Variants in MSR1 observed in about 807,000 individuals in gnomAD.
MSR1 encodes the protein macrophage scavenger receptor types I and II.
MSR1 carries 53 observed loss-of-function variants against 47.2 expected under a neutral mutation model. The observed-to-expected ratio is 1.12, with a 90% CI of 0.90 to 1.41. The LOEUF (loss-of-function observed/expected upper bound fraction) is 1.41. Ranked by LOEUF, MSR1 falls within the 40% of genes most tolerant of loss-of-function variation. The pLI, the probability that MSR1 is intolerant of heterozygous loss-of-function variation, is 0.00. For missense variants in MSR1, 786 were observed against 546.9 expected, an observed-to-expected ratio of 1.44 and a Z score of -4.36; for synonymous variants, 239 against 185.6, an observed-to-expected ratio of 1.29 and a Z score of -2.34.
chr8:16,184,878 G>C (rs1226702625), intron 1 of MSR1, among the ~76,000 whole-genome samples: 1 of 151,764 alleles, frequency 6.6e-6, no homozygotes, highest in African/African-American at 2.4e-5. Context: ...GGTTACCTTG[G>C]GAAGATTTAT....
intron 8 of MSR1, among the ~76,000 whole-genome samples, chr8:16,133,550 G>C (rs949119184): frequency 6.6e-6 from 1 of 152,098 alleles, no homozygotes; most frequent in African/African-American, 2.4e-5. Flanking sequence ...CTCATAGTAA[G>C]CCTAGGTTAC....
chr8:16,178,349 G>T lies in MSR1; in HGVS notation c.-4-357C>A, dbSNP rs1394969438. On this transcript the variant is annotated intron_variant, in intron 1 of 9. Transcript: ENST00000262101. ...AATTTCCACCTATGAGTGAGAACAT[G>T]CGGTGTTTGGGTTTTTGTCCTTGCG... Among the ~76,000 whole-genome samples the T allele has an allele frequency of 2.7e-5, 4 of 148,770 alleles. No individual in the cohort carries two copies. The East Asian group carries it at 8.0e-4, about 30-fold the overall frequency.
In MSR1 at chr8:16,131,897, T is replaced by C. The variant is rs1391669861; in HGVS notation, c.1034-11291A>G. Among the ~76,000 whole-genome samples, 3 of 152,120 alleles carry C rather than the reference T, an allele frequency of 2.0e-5. 1 individual carries two copies. Among genetic ancestry groups the C allele is most frequent in the Non-Finnish European group, 4.4e-5 (3 of 68,002 alleles). Reference sequence around the variant, plus strand: ...TTTGTTCTGTACCCCTGTAGTATAGTTTGAAGTCAGGTACCATGATATCTC... The same window carrying C: ...TTTGTTCTGTACCCCTGTAGTATAGCTTGAAGTCAGGTACCATGATATCTC... On this transcript the variant is annotated intron_variant, in intron 8 of 9. Transcript: ENST00000262101.
intron 7 of MSR1, among the ~76,000 whole-genome samples, chr8:16,145,552 T>C (rs1022726471): frequency 1.3e-5 from 2 of 152,154 alleles, no homozygotes; most frequent in Non-Finnish European, 2.9e-5. Context: ...AGAATAGACA[T>C]GCTTAAGCCA....
chr8:16,111,766 C>T (rs939829662), intron 9 of MSR1, among the ~76,000 whole-genome samples: 1 of 151,894 alleles, frequency 6.6e-6, no homozygotes, highest in African/African-American at 2.4e-5. Context: ...TCCATGCAAT[C>T]CTCAAATAAC....
At position 16,186,256 on chromosome 8, in the gene MSR1, C is replaced by T. The variant is rs549185897; in HGVS notation, c.-5+6342G>A. 7.8e-5 allele frequency: 115 copies of T among 1,475,744 alleles called. No individual in the cohort carries two copies. In the Middle Eastern group the frequency reaches 1.2e-3, roughly 15 times the overall value. 91.4% of individuals were successfully genotyped at this position (1,475,744 alleles called of 1,614,324 possible). A position where few individuals can be genotyped will look rare whatever the true frequency, so the allele number is the denominator to read the frequency against. On this transcript the variant is annotated intron_variant, in intron 1 of 9. Transcript: ENST00000262101. ...TGGGTATTCCTCCTCATCTCCCCAA[C>T]GTCTCAACAGCAGAGTGAGCCAGGG... is the stretch of plus-strand genomic sequence containing the variant.
chr8:16,186,247 T>C (rs1052671678), intron 1 of MSR1: 27 of 1,508,532 alleles, frequency 1.8e-5, no homozygotes, highest in Admixed American at 3.9e-5. Context: ...TTCCTCCTCA[T>C]CTCCCCAACG....
At chr8:16,167,534 G>A (rs1563162333) in intron 4 of MSR1, among the ~76,000 whole-genome samples, 1 of 152,044 alleles carries the variant, frequency 6.6e-6, no homozygotes, top group African/African-American at 2.4e-5. Flanking sequence ...AACAGAGTGA[G>A]ACTCCATCTC....
chr8:16,173,237 G>C (rs191447697), intron 3 of MSR1, among the ~76,000 whole-genome samples: 4 of 152,174 alleles, frequency 2.6e-5, no homozygotes, highest in African/African-American at 9.6e-5. Flanking sequence ...TAATAGCTCG[G>C]GGACTTTGAA....
chr8:16,151,816 C>CA (rs1380786747), intron 6 of MSR1, among the ~76,000 whole-genome samples: 1 of 152,120 alleles, frequency 6.6e-6, no homozygotes, highest in Non-Finnish European at 1.5e-5. Context: ...CTCCTTCCTG[C>CA]AAAGTAGCAG....
chr8:16,177,658 G>A (rs1361320272), intron 2 of MSR1, among the ~76,000 whole-genome samples: 1 of 151,898 alleles, frequency 6.6e-6, no homozygotes, highest in East Asian at 1.9e-4. Context: ...ATTGTAGCTG[G>A]GAAGCCAGAA....
At chr8:16,119,576 T>C (rs1036861676) in intron 9 of MSR1, among the ~76,000 whole-genome samples, 7 of 152,110 alleles carry the variant, frequency 4.6e-5, no homozygotes, top group African/African-American at 1.4e-4. Flanking sequence ...GATTGTGACC[T>C]ATTATTAACG....
chr8:16,134,506 C>T (rs547833536), intron 8 of MSR1, among the ~76,000 whole-genome samples: 15 of 152,116 alleles, frequency 9.9e-5, no homozygotes, highest in Admixed American at 3.9e-4. Flanking sequence ...TGTATTCTGA[C>T]TGCTCCACCA....
At chr8:16,176,402 G>C (rs942211124) in intron 2 of MSR1, among the ~76,000 whole-genome samples, 1 of 151,804 alleles carries the variant, frequency 6.6e-6, no homozygotes, top group Non-Finnish European at 1.5e-5. Flanking sequence ...AGATACTTAC[G>C]AGGCTGAGGT....
At chr8:16,178,901 T>C (rs764000202) in intron 1 of MSR1, among the ~76,000 whole-genome samples, 35 of 152,204 alleles carry the variant, frequency 2.3e-4, no homozygotes, top group Non-Finnish European at 2.9e-5. Flanking sequence ...CTATATTCTA[T>C]GACACAATCT....
chr8:16,169,005 A>AT (rs966034622), intron 3 of MSR1, 135 bp from the exon 4 acceptor site: 263 of 841,986 alleles, frequency 3.1e-4, no homozygotes, highest in African/African-American at 6.5e-4. Context: ...TAAATCGAGT[A>AT]TTTTTTTTTA....
At chr8:16,172,916 C>T (rs548296863) in intron 3 of MSR1, among the ~76,000 whole-genome samples, 51 of 152,152 alleles carry the variant, frequency 3.4e-4, no homozygotes, top group African/African-American at 1.2e-3. Context: ...TATATTCTGT[C>T]TACATTTGTA....
chr8:16,145,264 C>T (rs1369250738), intron 7 of MSR1, among the ~76,000 whole-genome samples: 1 of 151,836 alleles, frequency 6.6e-6, no homozygotes, highest in African/African-American at 2.4e-5. Flanking sequence ...TTGTTGCTAC[C>T]ACAAAGCACC....
chr8:16,182,062 C>CA lies in MSR1; in HGVS notation c.-4-4071dup, dbSNP rs111433874. Among the ~76,000 whole-genome samples, 949 of 152,292 alleles carry CA rather than the reference C, an allele frequency of 6.2e-3. 9 individuals carry two copies. Among genetic ancestry groups the CA allele is most frequent in the African/African-American group, 0.021 (887 of 41,564 alleles). ...GGTCTAGCCTACTGCTGCTAGGCAA[C>CA]AAACCCACCCCAGGCTGTGTGGTCT... On this transcript the variant is annotated intron_variant, in intron 1 of 9. Transcript: ENST00000262101.
Sources: gnomAD v4.1 joint callset for allele counts (sites outside exome capture counted in the v4.1 genomes callset) on GRCh38, gnomAD v4.1.1 for gene constraint, MANE v1.5 for transcripts, NCBI Gene and HGNC (gene_info 2026-07-23, HGNC 2026-07-21) for gene names.